The following MAGI2 variants were observed in gnomAD, a reference collection of about 807,000 sequenced individuals.
The protein encoded by MAGI2 is membrane-associated guanylate kinase, WW and PDZ domain-containing protein 2.
Under a neutral mutation model 133.3 loss-of-function variants are expected in MAGI2, and 35 were observed. The observed-to-expected ratio is 0.26, with a 90% CI of 0.20 to 0.35. MAGI2 has a LOEUF of 0.35. MAGI2 is among the 10% of genes least tolerant of loss of function. The pLI is 1.00. For synonymous variants in MAGI2, 729 were observed against 710.6 expected (o/e 1.03, Z -0.41); for missense variants, 1,636 against 1,863.4 (o/e 0.88, Z 2.25).
rs555416734 is a variant in MAGI2, at chr7:78,265,856, GC to G, written c.1409-9276del. On this transcript the variant is annotated intron_variant, in intron 9 of 21. Coordinates refer to ENST00000354212, the MANE Select transcript of MAGI2 (RefSeq NM_012301.4). Reference sequence around the variant, plus strand: ...AGAGGCCAGCATGGCATGACCTGTCGCCATCTTTTGACCTTACTCCAACATA... The same window carrying G: ...AGAGGCCAGCATGGCATGACCTGTCGCATCTTTTGACCTTACTCCAACATA... Among the ~76,000 whole-genome samples, 11 of 152,280 alleles carry G rather than the reference GC, an allele frequency of 7.2e-5. No individual in the cohort carries two copies. The East Asian group carries it at 1.7e-3, about 24-fold the overall frequency.
Position 78,142,097 on chromosome 7 carries a change from T to G in MAGI2, c.2846-6891A>C, listed in dbSNP as rs560168954. Among the ~76,000 whole-genome samples the G allele has an allele frequency of 5.9e-5, 9 of 152,238 alleles. No individual in the cohort carries two copies. The South Asian group carries it at 1.9e-3, about 32-fold the overall frequency. On this transcript the variant is annotated intron_variant, in intron 16 of 21. Transcript: ENST00000354212. Reference sequence around the variant, plus strand: ...AATGGATTTGTTGTTTGGAAACATTTGATGGGCCAGGGGTCACATGGCTAG... The same window carrying G: ...AATGGATTTGTTGTTTGGAAACATTGGATGGGCCAGGGGTCACATGGCTAG...
At chr7:79,058,716 T>A (rs1813405270) in intron 1 of MAGI2, among the ~76,000 whole-genome samples, 1 of 152,078 alleles carries the variant, frequency 6.6e-6, no homozygotes, top group Admixed American at 6.5e-5. Flanking sequence ...AAAGGAAGGA[T>A]ATAAAAGTTA....
chr7:78,630,939 T>A (rs773795673), intron 2 of MAGI2, among the ~76,000 whole-genome samples: 1 of 152,130 alleles, frequency 6.6e-6, no homozygotes, highest in African/African-American at 2.4e-5. Flanking sequence ...TCCTTTGCCA[T>A]CATCCTGGGG....
intron 10 of MAGI2, among the ~76,000 whole-genome samples, chr7:78,214,217 G>A (rs895519296): frequency 4.6e-5 from 7 of 152,142 alleles, no homozygotes; most frequent in South Asian, 2.1e-4. Context: ...TTGAGCGGCC[G>A]TGCCCATTTC....
chr7:78,019,236 A>T lies in MAGI2; in HGVS notation c.*79T>A. On this transcript the variant is annotated 3_prime_UTR_variant, in exon 22 of 22. Transcript: ENST00000354212. ...TGGATCTATGCGTGTGACAGTGAAA[A>T]TAAATTAAAACGCCGTGAGACGGAA... 1 of 1,508,704 alleles carries T rather than the reference A, an allele frequency of 6.6e-7. No homozygotes were observed. The highest frequency in any genetic ancestry group is 8.9e-7 in the Non-Finnish European group (1 of 1,120,834). The allele number at this position is 1,508,704 out of a possible 1,614,324, so 93.5% of individuals were successfully genotyped here.
In MAGI2 at chr7:78,511,583, CAT is replaced by C. The variant is rs746527551; in HGVS notation, c.755-9798_755-9797del. ...TTTTTTTTTTTTTGACACAGTGAAA[CAT>C]GCACATGGTACAAAATCCAGAAACA... On this transcript the variant is annotated intron_variant, in intron 4 of 21. Transcript: ENST00000354212. 6.8e-3 allele frequency among the ~76,000 whole-genome samples: 881 copies of C among 129,462 alleles called. 7 individuals carry two copies. Among genetic ancestry groups the C allele is most frequent in the Middle Eastern group, 0.015 (3 of 202 alleles). 84.9% of individuals were successfully genotyped at this position (129,462 alleles called of 152,430 possible). A position where few individuals can be genotyped will look rare whatever the true frequency, so the allele number is the denominator to read the frequency against.
At chr7:78,027,296 C>T (rs7777605) in intron 21 of MAGI2, among the ~76,000 whole-genome samples, 95,706 of 152,018 alleles carry the variant, frequency 0.63, 32,738 homozygotes, top group Non-Finnish European at 0.79. Context: ...TGGACACAGT[C>T]GCTATGATTA....
chr7:78,876,347 A>G (rs544491), intron 2 of MAGI2, among the ~76,000 whole-genome samples: 73,314 of 140,070 alleles, frequency 0.52, 21,215 homozygotes, highest in Middle Eastern at 0.67. Flanking sequence ...AAAAAATTGG[A>G]ACAACATCAT....
chr7:79,447,736 T>C (rs1848960801), intron 1 of MAGI2, among the ~76,000 whole-genome samples: 4 of 151,910 alleles, frequency 2.6e-5, no homozygotes, highest in African/African-American at 7.2e-5. Context: ...CATAAAATAC[T>C]ATAAAATAGT....
At chr7:78,696,732 G>A (rs552349926) in intron 2 of MAGI2, among the ~76,000 whole-genome samples, 31 of 152,178 alleles carry the variant, frequency 2.0e-4, no homozygotes, top group African/African-American at 7.5e-4. Context: ...TCAACAGAAT[G>A]TAAGAGTTAC....
intron 2 of MAGI2, among the ~76,000 whole-genome samples, chr7:78,773,747 C>A (rs1410412057): frequency 6.6e-6 from 1 of 152,100 alleles, no homozygotes. Flanking sequence ...GGTTTTCAGG[C>A]AGAGACACAA....
intron 1 of MAGI2, among the ~76,000 whole-genome samples, chr7:79,169,415 T>C (rs1825299784): frequency 6.6e-6 from 1 of 152,120 alleles, no homozygotes; most frequent in South Asian, 2.1e-4. Flanking sequence ...GTTCTAAATA[T>C]TTAACTATAT....
chr7:79,293,063 C>T (rs1563085037), intron 1 of MAGI2, among the ~76,000 whole-genome samples: 1 of 152,164 alleles, frequency 6.6e-6, no homozygotes, highest in Non-Finnish European at 1.5e-5. Flanking sequence ...CCCTCTTTGA[C>T]CTTATAGCTC....
chr7:78,674,631 T>A (rs1814790637), intron 2 of MAGI2, among the ~76,000 whole-genome samples: 1 of 152,196 alleles, frequency 6.6e-6, no homozygotes, highest in Non-Finnish European at 1.5e-5. Context: ...TTTATAACTC[T>A]GGGAAGATGA....
chr7:78,945,940 C>G (rs1394430730), intron 2 of MAGI2, among the ~76,000 whole-genome samples: 1 of 152,090 alleles, frequency 6.6e-6, no homozygotes, highest in Non-Finnish European at 1.5e-5. Context: ...TTGTGCATTC[C>G]CAGCATTTAT....
intron 6 of MAGI2, among the ~76,000 whole-genome samples, chr7:78,380,573 T>A (rs1010059493): frequency 1.3e-5 from 2 of 151,562 alleles, no homozygotes; most frequent in Admixed American, 1.3e-4. Flanking sequence ...ATATATAGAG[T>A]AGAATGATGG....
At chr7:78,147,806 G>A (rs182996041) in intron 16 of MAGI2, among the ~76,000 whole-genome samples, 129 of 151,918 alleles carry the variant, frequency 8.5e-4, no homozygotes, top group Non-Finnish European at 2.4e-4. Flanking sequence ...AACCAGCCTG[G>A]GCAACATAGG....
intron 3 of MAGI2, among the ~76,000 whole-genome samples, chr7:78,587,113 ATTGT>A (rs759367669): frequency 2.4e-4 from 36 of 152,232 alleles, no homozygotes; most frequent in East Asian, 1.9e-3. Flanking sequence ...AAATTGCTGG[ATTGT>A]TTGACAGTTC....
In MAGI2 at chr7:78,506,740, C is replaced by G. The variant is rs62467122; in HGVS notation, c.755-4953G>C. 8.2e-3 allele frequency among the ~76,000 whole-genome samples: 1,251 copies of G among 152,202 alleles called. 6 individuals carry two copies. The highest frequency in any genetic ancestry group is 0.013 in the Non-Finnish European group (917 of 68,002). On this transcript the variant is annotated intron_variant, in intron 4 of 21. Transcript: ENST00000354212. ...CACTGGTGACACTGGCTGCCAGTTA[C>G]GGCAGTATTTACGGTGGAGTGGTTG... is the stretch of plus-strand genomic sequence containing the variant.
Sources: allele counts gnomAD v4.1 joint callset (sites outside exome capture counted in the v4.1 genomes callset), GRCh38; gene constraint gnomAD v4.1.1; transcripts MANE v1.5; gene names NCBI Gene and HGNC (gene_info 2026-07-23, HGNC 2026-07-21).